Variants in TLE6 observed in about 807,000 individuals in gnomAD.
TLE6 encodes the protein TLE family member 6, subcortical maternal complex member.
A neutral mutation model predicts 77.1 loss-of-function variants in TLE6; 72 were observed. That is an observed-to-expected ratio of 0.93 (90% CI 0.77 to 1.14). The LOEUF (loss-of-function observed/expected upper bound fraction) is 1.14. Among genes scored for constraint, TLE6 ranks in the 50% most tolerant of loss-of-function variants. The pLI, the probability that TLE6 is intolerant of heterozygous loss-of-function variation, is 0.00. For synonymous variants in TLE6, 366 were observed against 287.3 expected, an observed-to-expected ratio of 1.27 and a Z score of -2.77; for missense variants, 843 against 747.6, an observed-to-expected ratio of 1.13 and a Z score of -1.49.
chr19:2,987,930 C>A lies in TLE6; in HGVS notation c.658C>A (p.Pro220Thr). The change falls in exon 10 of 17, where the codon CCT (proline) becomes ACT (threonine). Residue 220 changes from proline (P) to threonine (T), a missense_variant. Transcript: ENST00000246112. ...GCCACCTGAGGCCTCCTCCAGTCCC[C>A]CTGAGGGTTCCCAAGACAGGAACAC... The part of the protein sequence containing the change: ...PRPPEASSSP[P>T]EGSQDRNTSW... The A allele has an allele frequency of 6.2e-7, 1 of 1,610,626 alleles. No homozygotes were observed. The highest frequency in any genetic ancestry group is 8.5e-7 in the Non-Finnish European group (1 of 1,177,828).
Position 2,987,030 on chromosome 19 carries a change from G to A in TLE6, c.333G>A (p.Lys111=). The change falls in exon 7 of 17, where the codon AAG becomes AAA. Residue 111 remains lysine (K), a synonymous_variant. Transcript: ENST00000246112. ...PASPGTPQQV[K]DKTLQESSFE... ...GCCCTGGGACGCCCCAGCAGGTGAA[G>A]GACAAGACCCTGCAGGAGTCGAGCT... The A allele has an allele frequency of 1.2e-6, 2 of 1,614,036 alleles. No homozygotes were observed. The highest frequency in any genetic ancestry group is 2.2e-5 in the East Asian group (1 of 44,864).
Position 2,989,244 on chromosome 19 carries a change from C to T in TLE6, c.924C>T (p.Gly308=). The stretch of plus-strand genomic sequence containing the variant: ...ACGTGTTCACCTGTGGCAGAAGAGG[C>T]ATCAAGGTGTGGAGCCTGACTGGAC... ...TRHVFTCGRR[G]IKVWSLTGQV... is the part of the protein sequence containing the mutation. Residue 308 remains glycine (G), a synonymous_variant, in exon 12 of 17, where the codon GGC becomes GGT. Transcript: ENST00000246112. The T allele has an allele frequency of 6.2e-7, 1 of 1,613,970 alleles. No individual in the cohort carries two copies. The highest frequency in any genetic ancestry group is 8.5e-7 in the Non-Finnish European group (1 of 1,180,034).
At position 2,986,981 on chromosome 19, in the gene TLE6, AG is replaced by A. The variant is rs778400631; in HGVS notation, c.286del. The A allele has an allele frequency of 6.2e-7, 1 of 1,608,934 alleles. No homozygotes were observed. The highest frequency in any genetic ancestry group is 8.5e-7 in the Non-Finnish European group (1 of 1,177,160). On this transcript the variant is annotated splice_acceptor_variant, in intron 6 of 16. Coordinates refer to ENST00000246112, the MANE Select transcript of TLE6 (RefSeq NM_001143986.2). LOFTEE classifies it high-confidence loss of function. The stretch of plus-strand genomic sequence containing the variant: ...CTCACTGCCTTGTTCCTGCCGGGCC[AG>A]GTCTCACCTGCTGAACCAGCCAGCC...
Position 2,987,805 on chromosome 19 carries a change from C to G in TLE6, c.625+15C>G. 6.2e-7 allele frequency: 1 copy of G among 1,614,130 alleles called. No individual in the cohort carries two copies. The highest frequency in any genetic ancestry group is 8.5e-7 in the Non-Finnish European group (1 of 1,180,008). ...AGATGCCTCCAGTAATCCCAGCGGG[C>G]AGGGGCCGACCGACTCCAGGCGGGA... On this transcript the variant is annotated intron_variant, in intron 9 of 16. Coordinates refer to ENST00000246112, the MANE Select transcript of TLE6 (RefSeq NM_001143986.2).
chr19:2,993,372 G>C lies in TLE6; in HGVS notation c.1387-60G>C, dbSNP rs1397433664. On this transcript the variant is annotated intron_variant, in intron 14 of 16. Coordinates refer to ENST00000246112, the MANE Select transcript of TLE6 (RefSeq NM_001143986.2). The stretch of plus-strand genomic sequence containing the variant: ...AGGATAGGTCCCCAGGCTCCTGCCT[G>C]CTTCCTGGGCCAGGCTGGGACCTAA... 4 of 1,533,278 alleles carry C rather than the reference G, an allele frequency of 2.6e-6. No homozygotes were observed. In the African/African-American group the frequency reaches 5.6e-5, roughly 22 times the overall value. The allele number at this position is 1,533,278 out of a possible 1,614,324, so 95.0% of individuals were successfully genotyped here.
At position 2,987,151 on chromosome 19, in the gene TLE6, C is replaced by G. The variant is rs771850990; in HGVS notation, c.454C>G (p.Pro152Ala). 3 of 1,614,020 alleles carry G rather than the reference C, an allele frequency of 1.9e-6. No homozygotes were observed. Among genetic ancestry groups the G allele is most frequent in the Admixed American group, 1.7e-5 (1 of 60,012 alleles). Residue 152 changes from proline (P) to alanine (A), a missense_variant, in exon 7 of 17, where the codon CCT becomes GCT. Physicochemically the swap from Pro to Ala is conservative, Grantham distance 27. Coordinates refer to ENST00000246112, the MANE Select transcript of TLE6 (RefSeq NM_001143986.2). Reference protein sequence around the residue: ...PETQLFWDKEPWFWHDTLTEQ... With the variant: ...PETQLFWDKEAWFWHDTLTEQ... Reference sequence around the variant, plus strand: ...GACCCAGCTGTTCTGGGACAAGGAGCCTTGGTTTTGGCACGACACTCTGAC... The same window carrying G: ...GACCCAGCTGTTCTGGGACAAGGAGGCTTGGTTTTGGCACGACACTCTGAC...
At chr19:2,979,964 C>CAAAA (rs58993753) in intron 2 of TLE6, 136 bp from the exon 3 acceptor site, 5,969 of 366,958 alleles carry the variant, frequency 0.016, 4 homozygotes, top group South Asian at 0.021. Context: ...ACTCGGTTTC[C>CAAAA]AAAAAAAAAA....
At chr19:2,992,793 A>AGGGG (rs1555686685) in intron 14 of TLE6, among the ~76,000 whole-genome samples, 1 of 19,760 alleles carries the variant, frequency 5.1e-5, no homozygotes, top group African/African-American at 2.6e-4. Flanking sequence ...AAAAAAAAAA[A>AGGGG]GGGGGGGAGG....
intron 5 of TLE6, among the ~76,000 whole-genome samples, chr19:2,984,634 A>T (rs1431156522): frequency 6.6e-6 from 1 of 151,926 alleles, no homozygotes; most frequent in Admixed American, 6.6e-5. Context: ...TGCCTGGCTA[A>T]CTTTTATGTT....
At position 2,980,202 on chromosome 19, in the gene TLE6, C is replaced by A. The variant is rs546916015; in HGVS notation, c.134+20C>A. Reference sequence around the variant, plus strand: ...CCCCAGGTGAGAGCAATTCCAGGGGCCGGAGGTCTCACGCTGGGAAGGAGC... The same window carrying A: ...CCCCAGGTGAGAGCAATTCCAGGGGACGGAGGTCTCACGCTGGGAAGGAGC... On this transcript the variant is annotated intron_variant, in intron 3 of 16. Transcript: ENST00000246112. The A allele has an allele frequency of 8.4e-6, 13 of 1,539,742 alleles. No individual in the cohort carries two copies. In the African/African-American group the frequency reaches 1.8e-4, roughly 21 times the overall value.
At chr19:2,981,364 G>T (rs199878303) in intron 3 of TLE6, among the ~76,000 whole-genome samples, 174 bp from the exon 4 acceptor site, 1 of 137,212 alleles carries the variant, frequency 7.3e-6, no homozygotes, top group Non-Finnish European at 1.6e-5. Flanking sequence ...AAAAAAAAAA[G>T]AATATACTGC....
Position 2,987,986 on chromosome 19 carries a change from G to T in TLE6, c.702+12G>T, listed in dbSNP as rs1189222314. 1 of 1,607,810 alleles carries T rather than the reference G, an allele frequency of 6.2e-7. No homozygotes were observed. Among genetic ancestry groups the T allele is most frequent in the East Asian group, 2.2e-5 (1 of 44,638 alleles). ...GGGGTGTGGTCCAGGTGAGACCCAG[G>T]CCCGAGCTGGTAGCCCAGCGTGAAG... is the stretch of plus-strand genomic sequence containing the variant. On this transcript the variant is annotated intron_variant, in intron 10 of 16. Coordinates refer to ENST00000246112, the MANE Select transcript of TLE6 (RefSeq NM_001143986.2).
At chr19:2,987,836 T>TGGGGGC (rs2088950593) in intron 9 of TLE6, 46 bp downstream of exon 9, 1 of 1,613,448 alleles carries the variant, frequency 6.2e-7, no homozygotes, top group African/African-American at 1.3e-5. Context: ...CGGGATGGGG[T>TGGGGGC]GGGGGCATCC....
At chr19:2,978,490 C>T (rs1380864229) in intron 2 of TLE6, among the ~76,000 whole-genome samples, 1 of 152,258 alleles carries the variant, frequency 6.6e-6, no homozygotes, top group East Asian at 1.9e-4. Context: ...TGGCTCACAA[C>T]TGTAATCTCA....
chr19:2,989,408 T>C, intron 12 of TLE6, 95 bp downstream of exon 12: 2 of 1,581,182 alleles, frequency 1.3e-6, no homozygotes, highest in Middle Eastern at 1.8e-4. Context: ...GAGAGAGGGC[T>C]TCCAGGGAAA....
intron 3 of TLE6, among the ~76,000 whole-genome samples, chr19:2,980,892 TAAAA>T (rs529993481): frequency 6.7e-6 from 1 of 149,498 alleles, no homozygotes; most frequent in Non-Finnish European, 1.5e-5. Flanking sequence ...TCTTAAAAAA[TAAAA>T]AAAATCTAGC....
intron 13 of TLE6, among the ~76,000 whole-genome samples, chr19:2,991,031 TACATACATAC>T (rs754370028): frequency 0.054 from 7,639 of 141,260 alleles, 494 homozygotes; most frequent in African/African-American, 0.19. Context: ...CATACATACA[TACATACATAC>T]ATATATGTAT....
chr19:2,986,194 T>C (rs13345170), intron 5 of TLE6, among the ~76,000 whole-genome samples: 58,309 of 149,998 alleles, frequency 0.39, 14,893 homozygotes, highest in African/African-American at 0.73. Context: ...GGGAGGATAG[T>C]TTGAGGCCAG....
chr19:2,994,635 TTTAAAA>T (rs1206473859), intron 16 of TLE6, among the ~76,000 whole-genome samples: 2 of 129,222 alleles, frequency 1.5e-5, no homozygotes, highest in Non-Finnish European at 3.1e-5. Context: ...TAAAAACACT[TTTAAAA>T]TTAAAAATAA....
Sources: gnomAD v4.1 joint callset for allele counts (sites outside exome capture counted in the v4.1 genomes callset) on GRCh38, gnomAD v4.1.1 for gene constraint, MANE v1.5 for transcripts, NCBI Gene and HGNC (gene_info 2026-07-23, HGNC 2026-07-21) for gene names.